Variants in CAMK1D observed in about 807,000 individuals in gnomAD.
CAMK1D encodes calcium/calmodulin-dependent protein kinase type 1D.
Under a neutral mutation model 47.7 loss-of-function variants are expected in CAMK1D, and 9 were observed. The observed-to-expected ratio is 0.19, with a 90% CI of 0.11 to 0.33. The LOEUF (loss-of-function observed/expected upper bound fraction) is 0.33, where lower values mean the gene tolerates loss of function less well. Among genes scored for constraint, CAMK1D ranks in the 10% least tolerant of loss-of-function variants. CAMK1D has a pLI of 1.00. For missense variants in CAMK1D, 291 were observed against 488.7 expected (o/e 0.60, Z 3.81); for synonymous variants, 184 against 184.9 (o/e 0.99, Z 0.04).
intron 6 of CAMK1D, among the ~76,000 whole-genome samples, chr10:12,797,745 G>A (rs552648029): frequency 6.6e-6 from 1 of 152,264 alleles, no homozygotes; most frequent in African/African-American, 2.4e-5. Context: ...AGTCCATCCT[G>A]GGGATGCTAA....
At chr10:12,491,627 G>A (rs918994259) in intron 1 of CAMK1D, among the ~76,000 whole-genome samples, 17 of 152,120 alleles carry the variant, frequency 1.1e-4, no homozygotes, top group Non-Finnish European at 1.6e-4. Flanking sequence ...CCTATGAAGC[G>A]GTGAAACACC....
At chr10:12,408,848 C>CTTTTTTTTTT (rs113921067) in intron 1 of CAMK1D, among the ~76,000 whole-genome samples, 26 of 121,876 alleles carry the variant, frequency 2.1e-4, no homozygotes, top group Non-Finnish European at 2.6e-4. Flanking sequence ...TTCTTTCTTT[C>CTTTTTTTTTT]TTTTTTTTTT....
rs115692349 is a variant in CAMK1D at position 12,683,577 on chromosome 10, C to T, written c.299+16767C>T. Among the ~76,000 whole-genome samples, 1,071 of 152,088 alleles carry T rather than the reference C, an allele frequency of 7.0e-3. 17 individuals carry two copies. Among genetic ancestry groups the T allele is most frequent in the African/African-American group, 0.024 (1,008 of 41,472 alleles). On this transcript the variant is annotated intron_variant, in intron 3 of 10. Transcript: ENST00000619168. ...ACTGTGCTCCTTATGTGGTTTTTAT[C>T]ATGATTTATTTTGCTCTCATTTAGT...
intron 1 of CAMK1D, among the ~76,000 whole-genome samples, chr10:12,382,757 G>A (rs186399340): frequency 5.9e-5 from 9 of 152,184 alleles, no homozygotes; most frequent in East Asian, 5.8e-4. Context: ...CTCGGGAGGC[G>A]GAGGTTGCAG....
chr10:12,795,835 G>A (rs569721364), intron 6 of CAMK1D, among the ~76,000 whole-genome samples: 3 of 152,300 alleles, frequency 2.0e-5, no homozygotes, highest in African/African-American at 7.2e-5. Flanking sequence ...ATCCTGCCAG[G>A]AATCTTGCTT....
intron 2 of CAMK1D, among the ~76,000 whole-genome samples, chr10:12,661,200 G>A (rs1840264594): frequency 6.6e-6 from 1 of 152,146 alleles, no homozygotes; most frequent in Non-Finnish European, 1.5e-5. Context: ...ACAAATCTCT[G>A]CACCCACAGA....
intron 3 of CAMK1D, among the ~76,000 whole-genome samples, chr10:12,687,743 A>G (rs573749122): frequency 4.6e-5 from 7 of 152,302 alleles, no homozygotes; most frequent in African/African-American, 9.6e-5. Context: ...TCCGGAGACA[A>G]ATCAAAAAGA....
chr10:12,512,833 T>A (rs1835080180), intron 1 of CAMK1D, among the ~76,000 whole-genome samples: 1 of 152,190 alleles, frequency 6.6e-6, no homozygotes, highest in Non-Finnish European at 1.5e-5. Context: ...TTTCAGGGTG[T>A]TCTGAGACTG....
chr10:12,790,613 G>A lies in CAMK1D; in HGVS notation c.566-545G>A, dbSNP rs61679961. 1.6e-3 allele frequency among the ~76,000 whole-genome samples: 236 copies of A among 151,472 alleles called. 1 individual carries two copies. The highest frequency in any genetic ancestry group is 5.0e-3 in the African/African-American group (205 of 41,288). On this transcript the variant is annotated intron_variant, in intron 5 of 10. Transcript: ENST00000619168. The stretch of plus-strand genomic sequence containing the variant: ...AATCTCACATCTCACACACACACAC[G>A]CACACACACACTCACCCACACACCC...
Position 12,814,118 on chromosome 10 carries a change from C to G in CAMK1D, c.642-77C>G, listed in dbSNP as rs74118626. ...TTTCTTAACTCAGTTGGTAATGTCT[C>G]TTCCTTCCAGGCAAAGTGTACAGTC... On this transcript the variant is annotated intron_variant, in intron 6 of 10. Coordinates refer to ENST00000619168, the MANE Select transcript of CAMK1D (RefSeq NM_153498.4). 449 of 971,112 alleles carry G rather than the reference C, an allele frequency of 4.6e-4. 1 individual carries two copies. The African/African-American group carries it at 6.6e-3, about 14-fold the overall frequency. 60.2% of individuals were successfully genotyped at this position (971,112 alleles called of 1,614,324 possible). A position where few individuals can be genotyped will look rare whatever the true frequency, so the allele number is the denominator to read the frequency against.
chr10:12,509,080 T>G (rs1425359017), intron 1 of CAMK1D, among the ~76,000 whole-genome samples: 2 of 152,152 alleles, frequency 1.3e-5, no homozygotes, highest in Non-Finnish European at 2.9e-5. Context: ...CTGATTGCAT[T>G]TTGTCTTGTG....
At chr10:12,374,986 G>A (rs1564300579) in intron 1 of CAMK1D, among the ~76,000 whole-genome samples, 1 of 151,800 alleles carries the variant, frequency 6.6e-6, no homozygotes, top group Non-Finnish European at 1.5e-5. Flanking sequence ...TGGAGATGGG[G>A]GTCTCACTAT....
Position 12,571,653 on chromosome 10 carries a change from A to G in CAMK1D, c.224+18297A>G, listed in dbSNP as rs529656538. 3.9e-5 allele frequency among the ~76,000 whole-genome samples: 6 copies of G among 152,146 alleles called. No homozygotes were observed. In the South Asian group the frequency reaches 1.2e-3, roughly 32 times the overall value. On this transcript the variant is annotated intron_variant, in intron 2 of 10. Coordinates refer to ENST00000619168, the MANE Select transcript of CAMK1D (RefSeq NM_153498.4). ...GCTGCCTATTCTGTTCCCCAGTAGC[A>G]TCAGTGTTGCCTCCATTGTAACACT...
At chr10:12,603,060 G>A (rs944033534) in intron 2 of CAMK1D, among the ~76,000 whole-genome samples, 3 of 151,850 alleles carry the variant, frequency 2.0e-5, no homozygotes, top group East Asian at 1.9e-4. Context: ...ACAGGCACGC[G>A]TCACTGCACC....
intron 4 of CAMK1D, among the ~76,000 whole-genome samples, chr10:12,766,279 G>A (rs1211373016): frequency 4.7e-5 from 2 of 42,822 alleles, no homozygotes. Flanking sequence ...CCCCAGCCCT[G>A]GCCCCGTGCC....
intron 2 of CAMK1D, among the ~76,000 whole-genome samples, chr10:12,622,677 T>C (rs1456561011): frequency 6.6e-6 from 1 of 152,144 alleles, no homozygotes; most frequent in Admixed American, 6.5e-5. Context: ...CCTTAATCCA[T>C]GTGCTCTTGG....
rs188189847 is a variant in CAMK1D at position 12,810,465 on chromosome 10, G to A, written c.642-3730G>A. Among the ~76,000 whole-genome samples, 77 of 152,214 alleles carry A rather than the reference G, an allele frequency of 5.1e-4. No individual in the cohort carries two copies. In the East Asian group the frequency reaches 0.012, roughly 25 times the overall value. On this transcript the variant is annotated intron_variant, in intron 6 of 10. Coordinates refer to ENST00000619168, the MANE Select transcript of CAMK1D (RefSeq NM_153498.4). ...AATTTTGGTATTTCTAGCGGAGACC[G>A]GGTTTCACCATGTTGGCCAGGCTGG...
chr10:12,611,609 T>TTTTTTTTTTTTTTTTTTTTTTTTTTG (rs1554796845), intron 2 of CAMK1D, among the ~76,000 whole-genome samples: 3 of 124,710 alleles, frequency 2.4e-5, no homozygotes, highest in East Asian at 2.4e-4. Context: ...TTTTTTTTTT[T>TTTTTTTTTTTTTTTTTTTTTTTTTTG]GAGACAGAGT....
intron 3 of CAMK1D, among the ~76,000 whole-genome samples, chr10:12,691,238 G>T (rs1832865075): frequency 6.6e-6 from 1 of 151,556 alleles, no homozygotes; most frequent in Non-Finnish European, 1.5e-5. Flanking sequence ...GCATGAAATA[G>T]TAGGAAATAG....
Sources: gnomAD v4.1 joint callset for allele counts (sites outside exome capture counted in the v4.1 genomes callset) on GRCh38, gnomAD v4.1.1 for gene constraint, MANE v1.5 for transcripts, NCBI Gene and HGNC (gene_info 2026-07-23, HGNC 2026-07-21) for gene names.